The following SYTL2 variants were observed in gnomAD, a reference collection of about 807,000 sequenced individuals.
SYTL2 encodes the protein synaptotagmin like 2, also known as synaptotagmin-like protein 2.
In SYTL2, 165 loss-of-function variants were observed where a neutral mutation model predicts 198.7. The observed-to-expected ratio is 0.83, with a 90% confidence interval of 0.73 to 0.94. The LOEUF (loss-of-function observed/expected upper bound fraction) is 0.94. Ranked by LOEUF, SYTL2 falls within the 40% of genes least tolerant of loss-of-function variation. The probability of loss-of-function intolerance (pLI) is 0.00; values close to 1 mark genes in which losing one functional copy is unlikely to be tolerated. For missense variants in SYTL2, 2,835 were observed against 2,582.8 expected, an observed-to-expected ratio of 1.10 and a Z score of -2.12; for synonymous variants, 966 against 917.7, an observed-to-expected ratio of 1.05 and a Z score of -0.95.
At chr11:85,833,787 G>A in the SYTL2 span, among the ~76,000 whole-genome samples, 1 of 134,990 alleles carries the variant, frequency 7.4e-6, no homozygotes, top group Non-Finnish European at 1.5e-5. Flanking sequence ...CTGTAGTGTT[G>A]TAGTGTAGTG....
chr11:85,849,657 G>T, the SYTL2 span, among the ~76,000 whole-genome samples: 2 of 149,346 alleles, frequency 1.3e-5, no homozygotes, highest in Non-Finnish European at 3.0e-5. Flanking sequence ...TCTCTGTTTT[G>T]GTACCAGTAC....
intron 16 of SYTL2, among the ~76,000 whole-genome samples, chr11:85,703,353 GCTAAAAATCAAAGACAAAGAAAAGTATC>G (rs2084637539): frequency 6.6e-6 from 1 of 152,048 alleles, no homozygotes; most frequent in African/African-American, 2.4e-5. Context: ...TAGTACAATT[GCTAAAAATCAAAGACAAAGAAAAGTATC>G]CTAAAATCTG....
chr11:85,798,634 A>C (rs1379380225), intron 1 of SYTL2, among the ~76,000 whole-genome samples: 1 of 152,230 alleles, frequency 6.6e-6, no homozygotes, highest in Non-Finnish European at 1.5e-5. Context: ...AGCAAACTCA[A>C]CAATGGAAAA....
intron 3 of SYTL2, 46 bp from the exon 4 acceptor site, chr11:85,745,818 A>G (rs1305336086): frequency 6.4e-7 from 1 of 1,572,656 alleles, no homozygotes; most frequent in Non-Finnish European, 8.7e-7. Context: ...TCTCACCTCC[A>G]TGACCTACAA....
chr11:85,749,477 G>C (rs1301041187), intron 2 of SYTL2, among the ~76,000 whole-genome samples: 2 of 152,176 alleles, frequency 1.3e-5, no homozygotes, highest in Non-Finnish European at 2.9e-5. Flanking sequence ...GCATGTAAGG[G>C]TTGCACACAG....
chr11:85,797,943 T>A (rs1374445842), intron 1 of SYTL2, among the ~76,000 whole-genome samples: 2 of 151,706 alleles, frequency 1.3e-5, no homozygotes, highest in South Asian at 2.1e-4. Context: ...AACCTTTACC[T>A]CCCAGGTTCA....
At chr11:85,783,740 G>C (rs530912070) in intron 1 of SYTL2, among the ~76,000 whole-genome samples, 2 of 152,158 alleles carry the variant, frequency 1.3e-5, no homozygotes, top group Non-Finnish European at 2.9e-5. Flanking sequence ...AGTAATGGCA[G>C]CACAACTCCA....
At chr11:85,781,707 C>T (rs193236088) in intron 1 of SYTL2, among the ~76,000 whole-genome samples, 3 of 152,342 alleles carry the variant, frequency 2.0e-5, no homozygotes, top group South Asian at 2.1e-4. Context: ...GAAGGGGCAA[C>T]AGGCCCCAGG....
intron 11 of SYTL2, among the ~76,000 whole-genome samples, chr11:85,715,978 T>C (rs2087164330): frequency 6.6e-6 from 1 of 152,192 alleles, no homozygotes; most frequent in Admixed American, 6.6e-5. Flanking sequence ...GTATTTGATT[T>C]TTGTGGTAAG....
intron 1 of SYTL2, among the ~76,000 whole-genome samples, chr11:85,789,300 T>C (rs1195034945): frequency 7.1e-6 from 1 of 140,036 alleles, no homozygotes; most frequent in African/African-American, 2.6e-5. Flanking sequence ...TATATATTTA[T>C]TTATTTATAT....
intron 2 of SYTL2, among the ~76,000 whole-genome samples, chr11:85,749,388 T>G (rs2091373242): frequency 6.6e-6 from 1 of 152,210 alleles, no homozygotes; most frequent in African/African-American, 2.4e-5. Context: ...TCATACAAAC[T>G]AATATGCACT....
chr11:85,768,451 T>A (rs1184390775), intron 1 of SYTL2, among the ~76,000 whole-genome samples: 1 of 152,162 alleles, frequency 6.6e-6, no homozygotes, highest in African/African-American at 2.4e-5. Context: ...GCAAAACAGA[T>A]CTACCTTACA....
At chr11:85,729,138 G>A (rs189042070) in intron 7 of SYTL2, among the ~76,000 whole-genome samples, 8 of 152,254 alleles carry the variant, frequency 5.3e-5, no homozygotes, top group Admixed American at 5.2e-4. Context: ...CACAGTAATA[G>A]TGGGAGACTT....
chr11:85,723,025 G>A (rs79862383), intron 8 of SYTL2, among the ~76,000 whole-genome samples: 5,879 of 152,280 alleles, frequency 0.039, 181 homozygotes, highest in East Asian at 0.1. Context: ...AAGGCAATCA[G>A]CATCAGTTGT....
At chr11:85,772,390 G>C (rs2092372448) in intron 1 of SYTL2, among the ~76,000 whole-genome samples, 1 of 152,178 alleles carries the variant, frequency 6.6e-6, no homozygotes, top group South Asian at 2.1e-4. Context: ...TGCTCCCATT[G>C]AATAAGTCTT....
chr11:85,722,029 C>A (rs1250656501), intron 8 of SYTL2, among the ~76,000 whole-genome samples: 1 of 152,058 alleles, frequency 6.6e-6, no homozygotes, highest in Non-Finnish European at 1.5e-5. Flanking sequence ...TCATTTTTCA[C>A]CCCACCCCCA....
rs1363491085 is a variant in SYTL2, at chr11:85,726,848, G to T, written c.2510C>A (p.Ser837Ter). ...YQPVKKSQGV[S>*]SMDSLSTDQS... ...GTCTGTAGATAAACTGTCCATGGAT[G>T]ATACACCCTGTGACTTCTTCACAGG... The change falls in exon 8 of 20, where the codon TCA (serine) becomes TAA (stop). Residue 837 changes from serine (S) to a stop codon, truncating the protein, a stop_gained. Transcript: ENST00000359152. LOFTEE classifies it high-confidence loss of function. 1 of 1,536,412 alleles carries T rather than the reference G, an allele frequency of 6.5e-7. No homozygotes were observed. The highest frequency in any genetic ancestry group is 8.7e-7 in the Non-Finnish European group (1 of 1,146,984).
intron 1 of SYTL2, among the ~76,000 whole-genome samples, chr11:85,758,881 G>A (rs2091996866): frequency 1.3e-5 from 2 of 152,222 alleles, no homozygotes; most frequent in Non-Finnish European, 1.5e-5. Flanking sequence ...AAATTCGGAG[G>A]TGATCCACTC....
intron 1 of SYTL2, among the ~76,000 whole-genome samples, chr11:85,783,606 C>T (rs910865991): frequency 6.6e-5 from 10 of 152,268 alleles, no homozygotes; most frequent in East Asian, 3.9e-4. Context: ...ATTCTAGGCA[C>T]GGTTTTAAGT....
Sources: gnomAD v4.1 joint callset for allele counts (sites outside exome capture counted in the v4.1 genomes callset) on GRCh38, gnomAD v4.1.1 for gene constraint, MANE v1.5 for transcripts, NCBI Gene and HGNC (gene_info 2026-07-23, HGNC 2026-07-21) for gene names.